The following GAB2 variants were observed in gnomAD, a reference collection of about 807,000 sequenced individuals.
GAB2 encodes GRB2 associated binding protein 2, also known as GRB2-associated-binding protein 2.
In GAB2, 26 loss-of-function variants were observed where a neutral mutation model predicts 65.5. The observed-to-expected ratio is 0.40, with a 90% CI of 0.29 to 0.55. The LOEUF (loss-of-function observed/expected upper bound fraction) is 0.55. Among genes scored for constraint, GAB2 ranks in the 20% least tolerant of loss-of-function variants. The pLI, the probability that GAB2 is intolerant of heterozygous loss-of-function variation, is 0.53. For synonymous variants in GAB2, 321 were observed against 329.6 expected, an observed-to-expected ratio of 0.97 and a Z score of 0.28; for missense variants, 884 against 875.8, an observed-to-expected ratio of 1.01 and a Z score of -0.12.
At chr11:78,343,628 G>A (rs1229587254) in intron 1 of GAB2, among the ~76,000 whole-genome samples, 2 of 152,154 alleles carry the variant, frequency 1.3e-5, no homozygotes, top group Non-Finnish European at 1.5e-5. Context: ...GGCTGTATGC[G>A]GCAGCCACTG....
At chr11:78,309,214 T>C (rs1301431762) in intron 1 of GAB2, among the ~76,000 whole-genome samples, 1 of 152,132 alleles carries the variant, frequency 6.6e-6, no homozygotes, top group Non-Finnish European at 1.5e-5. Flanking sequence ...AGTAGCAGAC[T>C]CAAGCAATTA....
intron 3 of GAB2, among the ~76,000 whole-genome samples, chr11:78,241,585 G>A (rs376271299): frequency 5.1e-4 from 75 of 146,054 alleles, no homozygotes; most frequent in Non-Finnish European, 7.5e-4. Context: ...TTCACAATAT[G>A]AACAAAAAAA....
At chr11:78,253,253 C>G (rs890647874) in intron 2 of GAB2, among the ~76,000 whole-genome samples, 4 of 152,108 alleles carry the variant, frequency 2.6e-5, no homozygotes, top group Non-Finnish European at 5.9e-5. Context: ...CTCAGCCTCT[C>G]AAAGTGCTGG....
At chr11:78,315,425 A>G (rs1252034524) in intron 1 of GAB2, among the ~76,000 whole-genome samples, 6 of 152,236 alleles carry the variant, frequency 3.9e-5, no homozygotes, top group Non-Finnish European at 8.8e-5. Context: ...TACAAAAGAA[A>G]TAACAGAACT....
In GAB2 at chr11:78,257,627, C is replaced by G. The variant is rs1037744994; in HGVS notation, c.377-7227G>C. Among the ~76,000 whole-genome samples, 3 of 152,156 alleles carry G rather than the reference C, an allele frequency of 2.0e-5. 1 individual carries two copies. In the South Asian group the frequency reaches 6.2e-4, roughly 32 times the overall value. On this transcript the variant is annotated intron_variant, in intron 2 of 9. Coordinates refer to ENST00000361507, the MANE Select transcript of GAB2 (RefSeq NM_080491.3). Reference sequence around the variant, plus strand: ...GGCCAAAGAGGTACGAGCTGCTTTCCAAGACATGACGGATGCTTGGAAGGT... The same window carrying G: ...GGCCAAAGAGGTACGAGCTGCTTTCGAAGACATGACGGATGCTTGGAAGGT...
chr11:78,402,514 C>CCA (rs148866337), intron 1 of GAB2, among the ~76,000 whole-genome samples: 8,764 of 150,512 alleles, frequency 0.058, 889 homozygotes, highest in African/African-American at 0.21. Context: ...AATGCAACCT[C>CCA]CGCCTCCCAG....
chr11:78,352,810 C>A (rs1591060047), intron 1 of GAB2, among the ~76,000 whole-genome samples: 1 of 152,152 alleles, frequency 6.6e-6, no homozygotes, highest in African/African-American at 2.4e-5. Context: ...AAACTTCCAG[C>A]CTCTTACTTT....
At chr11:78,222,260 T>C in intron 6 of GAB2, 65 bp from the exon 7 acceptor site, 1 of 990,438 alleles carries the variant, frequency 1.0e-6, no homozygotes, top group South Asian at 1.3e-5. Context: ...ACACACCTTA[T>C]ATATAACACA....
At position 78,347,774 on chromosome 11, in the gene GAB2, T is replaced by C. The variant is rs893960922; in HGVS notation, c.76-66873A>G. ...AACTGAAAACTAAGCTTCATCAAAA[T>C]TCAAAGCTTTTGTTCCTCAAATGAT... is the stretch of plus-strand genomic sequence containing the variant. On this transcript the variant is annotated intron_variant, in intron 1 of 9. Coordinates refer to ENST00000361507, the MANE Select transcript of GAB2 (RefSeq NM_080491.3). 2.6e-5 allele frequency among the ~76,000 whole-genome samples: 4 copies of C among 152,118 alleles called. No individual in the cohort carries two copies. In the East Asian group the frequency reaches 7.7e-4, roughly 29 times the overall value.
intron 1 of GAB2, among the ~76,000 whole-genome samples, chr11:78,373,943 T>A (rs1048550368): frequency 6.6e-6 from 1 of 152,182 alleles, no homozygotes; most frequent in Non-Finnish European, 1.5e-5. Flanking sequence ...AATCAACAAA[T>A]GCTTGTTAAA....
At chr11:78,404,936 G>A (rs1857022008) in intron 1 of GAB2, among the ~76,000 whole-genome samples, 2 of 152,032 alleles carry the variant, frequency 1.3e-5, no homozygotes, top group South Asian at 2.1e-4. Flanking sequence ...AATGATAAAC[G>A]TTTGAGGTGA....
Position 78,294,040 on chromosome 11 carries a change from T to C in GAB2, c.76-13139A>G, listed in dbSNP as rs560998691. 7.8e-3 allele frequency among the ~76,000 whole-genome samples: 1,180 copies of C among 152,238 alleles called. 14 individuals are homozygous for C. The highest frequency in any genetic ancestry group is 0.027 in the African/African-American group (1,118 of 41,542). ...CAGTAACTCCTCATTTAGCATTAGG[T>C]ATCTCTCCTAATGCTATCCCCTCCC... On this transcript the variant is annotated intron_variant, in intron 1 of 9. Transcript: ENST00000361507.
At chr11:78,362,042 T>C (rs1856441334) in intron 1 of GAB2, among the ~76,000 whole-genome samples, 1 of 151,500 alleles carries the variant, frequency 6.6e-6, no homozygotes. Context: ...AAACTGTTCA[T>C]GTATCAATAT....
At chr11:78,289,437 T>C (rs562484833) in intron 1 of GAB2, among the ~76,000 whole-genome samples, 1 of 152,310 alleles carries the variant, frequency 6.6e-6, no homozygotes, top group South Asian at 2.1e-4. Flanking sequence ...CTTTGGGATC[T>C]AAGGTACATT....
chr11:78,315,565 T>G (rs1855585654), intron 1 of GAB2, among the ~76,000 whole-genome samples: 1 of 152,134 alleles, frequency 6.6e-6, no homozygotes, highest in Non-Finnish European at 1.5e-5. Context: ...GATAAACCTC[T>G]CAGAAGAAAA....
chr11:78,408,364 C>A (rs1591094881), intron 1 of GAB2, among the ~76,000 whole-genome samples: 1 of 151,882 alleles, frequency 6.6e-6, no homozygotes, highest in African/African-American at 2.4e-5. Context: ...CAGTATAATA[C>A]CTAGAGCAAC....
chr11:78,366,600 A>AT (rs1243595911), intron 1 of GAB2, among the ~76,000 whole-genome samples: 2 of 148,432 alleles, frequency 1.3e-5, no homozygotes, highest in African/African-American at 2.4e-5. Flanking sequence ...AAAAAAAAAA[A>AT]AAAAAAAAAG....
chr11:78,328,836 GT>G (rs1855868571), intron 1 of GAB2, among the ~76,000 whole-genome samples: 1 of 151,982 alleles, frequency 6.6e-6, no homozygotes. Flanking sequence ...CGATGGTAAT[GT>G]TTTATATAGT....
chr11:78,313,244 AT>A (rs1399005090), intron 1 of GAB2, among the ~76,000 whole-genome samples: 13 of 152,176 alleles, frequency 8.5e-5, no homozygotes, highest in African/African-American at 2.4e-4. Flanking sequence ...GTTTGGATCA[AT>A]GCAGCTGCCA....
Sources: allele counts gnomAD v4.1 joint callset (sites outside exome capture counted in the v4.1 genomes callset), GRCh38; gene constraint gnomAD v4.1.1; transcripts MANE v1.5; gene names NCBI Gene and HGNC (gene_info 2026-07-23, HGNC 2026-07-21).